The following WWP1 variants were observed in gnomAD, a reference collection of about 807,000 sequenced individuals.
WWP1 encodes the protein NEDD4-like E3 ubiquitin-protein ligase WWP1.
A neutral mutation model predicts 130.6 loss-of-function variants in WWP1; 49 were observed. The observed-to-expected ratio is 0.38, with a 90% CI of 0.30 to 0.48. The LOEUF is 0.48. WWP1 is among the 20% of genes least tolerant of loss of function. WWP1 has a pLI of 0.99. For synonymous variants in WWP1, 332 were observed against 367.8 expected, an observed-to-expected ratio of 0.90 and a Z score of 1.11; for missense variants, 809 against 1,100.6, an observed-to-expected ratio of 0.74 and a Z score of 3.75.
In WWP1 at chr8:86,411,568, C is replaced by T. The variant is rs745827094; in HGVS notation, c.755C>T (p.Thr252Ile). The T allele has an allele frequency of 2.5e-6, 4 of 1,613,600 alleles. No individual in the cohort carries two copies. The highest frequency in any genetic ancestry group is 2.5e-6 in the Non-Finnish European group (3 of 1,179,702). ...VNGESSSFAP[T>I]DNASVTGTPV... ...GGAGAATCATCCTCATTTGCACCAACTGATAATGCGTCTGTCACGGGTACT... is the reference window on the plus strand; with the variant it reads ...GGAGAATCATCCTCATTTGCACCAATTGATAATGCGTCTGTCACGGGTACT... The change falls in exon 9 of 25, where the codon ACT becomes ATT. Residue 252 changes from threonine (T) to isoleucine (I), a missense_variant. This residue lies in a region of WWP1 where 262 missense variants were observed against 346.0 expected (regional missense o/e 0.76). Transcript: ENST00000517970.
chr8:86,390,152 A>G (rs1052936378), intron 5 of WWP1, among the ~76,000 whole-genome samples: 1 of 150,250 alleles, frequency 6.7e-6, no homozygotes, highest in Non-Finnish European at 1.5e-5. Context: ...CCGGGCAGAC[A>G]CGCTCCTCAC....
At chr8:86,404,089 CTGTT>C (rs1808147969) in intron 8 of WWP1, among the ~76,000 whole-genome samples, 1 of 152,126 alleles carries the variant, frequency 6.6e-6, no homozygotes, top group African/African-American at 2.4e-5. Context: ...AAATCTGAAA[CTGTT>C]TGAGCATTGA....
intron 14 of WWP1, among the ~76,000 whole-genome samples, chr8:86,434,273 G>A (rs1020821625): frequency 2.6e-5 from 4 of 152,160 alleles, no homozygotes; most frequent in East Asian, 1.9e-4. Context: ...CAGCCTAAAT[G>A]GCCTTACAGG....
chr8:86,396,959 C>T lies in WWP1; in HGVS notation c.335-1383C>T, dbSNP rs145919617. On this transcript the variant is annotated intron_variant, in intron 5 of 24. Coordinates refer to ENST00000517970, the MANE Select transcript of WWP1 (RefSeq NM_007013.4). Reference sequence around the variant, plus strand: ...GTGTTGCTGGTCTCAAACTCCTAAGCTCAAGTGATCCTCCTGTGTCGGCCT... The same window carrying T: ...GTGTTGCTGGTCTCAAACTCCTAAGTTCAAGTGATCCTCCTGTGTCGGCCT... Among the ~76,000 whole-genome samples, 638 of 152,048 alleles carry T rather than the reference C, an allele frequency of 4.2e-3. 4 individuals carry two copies. Among genetic ancestry groups the T allele is most frequent in the African/African-American group, 0.015 (604 of 41,484 alleles).
At chr8:86,436,173 G>C (rs930586189) in intron 16 of WWP1, among the ~76,000 whole-genome samples, 1 of 152,176 alleles carries the variant, frequency 6.6e-6, no homozygotes, top group African/African-American at 2.4e-5. Flanking sequence ...GAGACTGAGA[G>C]ACATATCATG....
chr8:86,425,771 G>A (rs1216320249), intron 10 of WWP1, among the ~76,000 whole-genome samples: 2 of 152,168 alleles, frequency 1.3e-5, no homozygotes, highest in Non-Finnish European at 2.9e-5. Flanking sequence ...ACCTAAAATT[G>A]TAGAAGGTTT....
chr8:86,376,196 C>T (rs867971544), intron 3 of WWP1, among the ~76,000 whole-genome samples: 3 of 152,178 alleles, frequency 2.0e-5, no homozygotes, highest in African/African-American at 7.2e-5. Context: ...TTGTAACTTG[C>T]GTAGGACCAA....
At chr8:86,464,489 A>C (rs1056106767) in intron 24 of WWP1, among the ~76,000 whole-genome samples, 3 of 152,048 alleles carry the variant, frequency 2.0e-5, no homozygotes, top group Admixed American at 6.5e-5. Context: ...TATAATTCAT[A>C]TAAATAAAAG....
intron 9 of WWP1, among the ~76,000 whole-genome samples, chr8:86,418,327 C>T (rs879264226): frequency 7.9e-5 from 12 of 152,240 alleles, no homozygotes; most frequent in East Asian, 3.9e-4. Flanking sequence ...TGGTTTGTAG[C>T]GTTTCCTTGT....
intron 1 of WWP1, among the ~76,000 whole-genome samples, chr8:86,348,691 T>A (rs1822742618): frequency 6.6e-6 from 1 of 152,196 alleles, no homozygotes; most frequent in South Asian, 2.1e-4. Flanking sequence ...GGCATAGAAC[T>A]TTATCTTCTC....
intron 18 of WWP1, among the ~76,000 whole-genome samples, chr8:86,445,589 TC>T (rs1268099026): frequency 2.0e-5 from 3 of 152,208 alleles, no homozygotes; most frequent in Non-Finnish European, 4.4e-5. Context: ...TCTAGGTCTT[TC>T]CTATTGTGAG....
intron 2 of WWP1, 24 bp from the exon 3 acceptor site, chr8:86,374,006 A>C: frequency 6.5e-7 from 1 of 1,547,424 alleles, no homozygotes; most frequent in Non-Finnish European, 8.8e-7. Context: ...TAACACATGA[A>C]TAAATTCCCC....
chr8:86,379,074 C>CT (rs1563480022), intron 3 of WWP1, among the ~76,000 whole-genome samples: 1 of 152,212 alleles, frequency 6.6e-6, no homozygotes, highest in Non-Finnish European at 1.5e-5. Flanking sequence ...CATATACTGA[C>CT]TTTTCCTTCT....
intron 3 of WWP1, among the ~76,000 whole-genome samples, chr8:86,377,798 G>GA (rs1354465099): frequency 6.6e-6 from 1 of 152,020 alleles, no homozygotes; most frequent in Admixed American, 6.5e-5. Flanking sequence ...TGAGATTGAA[G>GA]AAAAAATGGG....
At chr8:86,433,755 C>T (rs1024718333) in intron 14 of WWP1, among the ~76,000 whole-genome samples, 1 of 151,914 alleles carries the variant, frequency 6.6e-6, no homozygotes, top group Non-Finnish European at 1.5e-5. Context: ...ACCAGCCTGG[C>T]CAACATGGTA....
intron 5 of WWP1, among the ~76,000 whole-genome samples, chr8:86,391,764 C>T (rs534713033): frequency 1.3e-5 from 2 of 152,024 alleles, no homozygotes; most frequent in East Asian, 1.9e-4. Context: ...AGTGTAAATG[C>T]AATTAGGCCC....
chr8:86,426,940 C>A (rs1258029715), intron 10 of WWP1, among the ~76,000 whole-genome samples: 1 of 152,114 alleles, frequency 6.6e-6, no homozygotes, highest in African/African-American at 2.4e-5. Flanking sequence ...GTGGGAGGAT[C>A]ACCTGAGGTC....
Position 86,462,604 on chromosome 8 carries a change from G to A in WWP1, c.2669+758G>A, listed in dbSNP as rs116232040. ...AAAAATCGGCCAGAAAACAGTATAG[G>A]GAAGGATTTGGATGCAAGGGTGAAT... is the stretch of plus-strand genomic sequence containing the variant. On this transcript the variant is annotated intron_variant, in intron 24 of 24. Transcript: ENST00000517970. Among the ~76,000 whole-genome samples the A allele has an allele frequency of 1.4e-3, 213 of 152,264 alleles. 2 individuals carry two copies. The highest frequency in any genetic ancestry group is 4.9e-3 in the African/African-American group (204 of 41,558).
intron 8 of WWP1, among the ~76,000 whole-genome samples, chr8:86,403,175 T>C (rs1808095359): frequency 6.6e-6 from 1 of 152,212 alleles, no homozygotes; most frequent in Non-Finnish European, 1.5e-5. Flanking sequence ...GAAATCCTGG[T>C]CTTTTTATTC....
Sources: gnomAD v4.1 joint callset for allele counts (sites outside exome capture counted in the v4.1 genomes callset) on GRCh38, gnomAD v4.1.1 for gene constraint, gnomAD v4.1.1 regional missense constraint, MANE v1.5 for transcripts, NCBI Gene and HGNC (gene_info 2026-07-23, HGNC 2026-07-21) for gene names.